KCNH1: variants seen among roughly 807,000 people sequenced by gnomAD.
The protein encoded by KCNH1 is potassium voltage-gated channel subfamily H member 1, also known as voltage-gated delayed rectifier potassium channel KCNH1.
A neutral mutation model predicts 69.2 loss-of-function variants in KCNH1; 27 were observed. The observed-to-expected ratio is 0.39, with a 90% CI of 0.29 to 0.54. The LOEUF (loss-of-function observed/expected upper bound fraction) is 0.54, where lower values mean the gene tolerates loss of function less well. KCNH1 is among the 20% of genes least tolerant of loss of function. KCNH1 has a pLI of 0.68. For missense variants in KCNH1, 798 were observed against 1,261.6 expected, an observed-to-expected ratio of 0.63 and a Z score of 5.57; for synonymous variants, 456 against 487.7, an observed-to-expected ratio of 0.93 and a Z score of 0.86.
At chr1:211,011,155 G>T (rs543624705) in intron 6 of KCNH1, among the ~76,000 whole-genome samples, 2 of 152,166 alleles carry the variant, frequency 1.3e-5, no homozygotes, top group African/African-American at 4.8e-5. Context: ...ACAGGCCCTG[G>T]TGTGTGATGT....
At chr1:210,999,078 A>T (rs1276517043) in intron 6 of KCNH1, among the ~76,000 whole-genome samples, 1 of 152,214 alleles carries the variant, frequency 6.6e-6, no homozygotes, top group African/African-American at 2.4e-5. Context: ...TCTAAAATTG[A>T]CACCCTGACA....
chr1:211,086,190 A>T (rs1035947267), intron 4 of KCNH1, among the ~76,000 whole-genome samples: 3 of 151,700 alleles, frequency 2.0e-5, no homozygotes, highest in Admixed American at 6.6e-5. Flanking sequence ...AAGAACAAAT[A>T]TTTTTTTTTC....
chr1:211,010,138 G>A (rs139947199), intron 6 of KCNH1, among the ~76,000 whole-genome samples: 29 of 152,268 alleles, frequency 1.9e-4, no homozygotes, highest in Non-Finnish European at 3.7e-4. Context: ...CAGGGACTAG[G>A]GCACAGCCTA....
At chr1:210,763,951 C>T (rs995639494) in intron 10 of KCNH1, among the ~76,000 whole-genome samples, 1 of 152,056 alleles carries the variant, frequency 6.6e-6, no homozygotes, top group Non-Finnish European at 1.5e-5. Context: ...GAGGCAATCA[C>T]ATTATCCAAC....
intron 1 of KCNH1, among the ~76,000 whole-genome samples, chr1:211,127,216 T>C (rs1691791929): frequency 6.6e-6 from 1 of 152,190 alleles, no homozygotes; most frequent in Non-Finnish European, 1.5e-5. Context: ...TAGCCTTTGC[T>C]TTTTGTTTTA....
chr1:210,780,011 A>ACCC (rs1683946207), intron 9 of KCNH1, among the ~76,000 whole-genome samples: 1 of 152,198 alleles, frequency 6.6e-6, no homozygotes, highest in East Asian at 1.9e-4. Context: ...ATTTGGTTAA[A>ACCC]TGAAGGGCAA....
chr1:210,765,469 C>G (rs1018306211), intron 10 of KCNH1, among the ~76,000 whole-genome samples: 2 of 152,216 alleles, frequency 1.3e-5, no homozygotes, highest in South Asian at 4.1e-4. Context: ...AATTCTAACT[C>G]CAATTAGCTT....
chr1:210,749,262 G>A (rs904768079), intron 10 of KCNH1, among the ~76,000 whole-genome samples: 4 of 152,172 alleles, frequency 2.6e-5, no homozygotes, highest in African/African-American at 7.2e-5. Flanking sequence ...CTCACTGCCT[G>A]CAAACAGAGA....
At chr1:211,115,868 C>T (rs959058049) in intron 1 of KCNH1, among the ~76,000 whole-genome samples, 3 of 151,854 alleles carry the variant, frequency 2.0e-5, no homozygotes, top group South Asian at 4.2e-4. Flanking sequence ...GGCATGGTGG[C>T]TCACATGTGT....
chr1:210,903,312 T>G (rs1192464971), intron 7 of KCNH1, among the ~76,000 whole-genome samples: 1 of 152,230 alleles, frequency 6.6e-6, no homozygotes, highest in Admixed American at 6.5e-5. Context: ...GAAGTTTTGT[T>G]TTATTTATCT....
At chr1:210,789,730 A>G (rs1029329094) in intron 9 of KCNH1, among the ~76,000 whole-genome samples, 5 of 152,266 alleles carry the variant, frequency 3.3e-5, no homozygotes, top group African/African-American at 1.2e-4. Flanking sequence ...GACATGCACT[A>G]TAACATGTTA....
intron 5 of KCNH1, among the ~76,000 whole-genome samples, chr1:211,036,834 C>T (rs1689907775): frequency 6.6e-6 from 1 of 152,126 alleles, no homozygotes; most frequent in Non-Finnish European, 1.5e-5. Flanking sequence ...TGTGTCTGTC[C>T]TATTCCCCCA....
intron 10 of KCNH1, among the ~76,000 whole-genome samples, chr1:210,759,156 GACACAC>G: frequency 6.7e-6 from 1 of 148,590 alleles, no homozygotes; most frequent in East Asian, 2.0e-4. Context: ...CCAAATGATA[GACACAC>G]ACACACACAC....
intron 6 of KCNH1, among the ~76,000 whole-genome samples, chr1:210,997,248 A>C (rs965707064): frequency 1.3e-5 from 2 of 152,210 alleles, no homozygotes; most frequent in Non-Finnish European, 2.9e-5. Context: ...AATGGCAAAC[A>C]AGTTAAAAAC....
intron 6 of KCNH1, among the ~76,000 whole-genome samples, chr1:210,945,198 T>C (rs563641959): frequency 6.6e-6 from 1 of 152,342 alleles, no homozygotes; most frequent in South Asian, 2.1e-4. Context: ...TTGGCTACGA[T>C]GAATAATGCT....
At chr1:210,811,393 C>G (rs1684699418) in intron 7 of KCNH1, among the ~76,000 whole-genome samples, 1 of 152,142 alleles carries the variant, frequency 6.6e-6, no homozygotes, top group Non-Finnish European at 1.5e-5. Context: ...TTTGGGAGCT[C>G]TGTTGCAAAT....
intron 10 of KCNH1, among the ~76,000 whole-genome samples, chr1:210,717,433 C>T (rs1487769868): frequency 6.6e-6 from 1 of 152,188 alleles, no homozygotes; most frequent in Non-Finnish European, 1.5e-5. Context: ...TGAGACAAGT[C>T]CTGCTCTAAG....
At chr1:210,847,151 C>T (rs1335809132) in intron 7 of KCNH1, among the ~76,000 whole-genome samples, 1 of 152,154 alleles carries the variant, frequency 6.6e-6, no homozygotes, top group African/African-American at 2.4e-5. Context: ...ACTAGTTCAA[C>T]CATTGTGGAA....
chr1:210,728,648 TACAC>T (rs1332345721), intron 10 of KCNH1, among the ~76,000 whole-genome samples: 2 of 152,202 alleles, frequency 1.3e-5, no homozygotes, highest in Admixed American at 1.3e-4. Flanking sequence ...CACACGTGCT[TACAC>T]ACACAGCCAT....
Sources: gnomAD v4.1 joint callset for allele counts (sites outside exome capture counted in the v4.1 genomes callset) on GRCh38, gnomAD v4.1.1 for gene constraint, MANE v1.5 for transcripts, NCBI Gene and HGNC (gene_info 2026-07-23, HGNC 2026-07-21) for gene names.